The following VPS54 variants were observed in gnomAD, a reference collection of about 807,000 sequenced individuals.
VPS54 encodes vacuolar protein sorting-associated protein 54.
VPS54 carries 45 observed loss-of-function variants against 121.5 expected under a neutral mutation model. The observed-to-expected ratio is 0.37, with a 90% CI of 0.29 to 0.47. The LOEUF (loss-of-function observed/expected upper bound fraction) is 0.47. Among genes scored for constraint, VPS54 ranks in the 20% least tolerant of loss-of-function variants. The pLI is 0.99. For missense variants in VPS54, 1,090 were observed against 1,131.4 expected, an observed-to-expected ratio of 0.96 and a Z score of 0.52; for synonymous variants, 371 against 385.8, an observed-to-expected ratio of 0.96 and a Z score of 0.45.
Position 63,916,897 on chromosome 2 carries a change from C to T in VPS54, c.2228+3G>A. The T allele has an allele frequency of 6.2e-7, 1 of 1,613,378 alleles. No homozygotes were observed. Among genetic ancestry groups the T allele is most frequent in the Admixed American group, 1.7e-5 (1 of 60,008 alleles). On this transcript the variant is annotated splice_donor_region_variant and intron_variant, in intron 16 of 22. Transcript: ENST00000272322. ...AACTACTAAAGAAAAATGTGTCACT[C>T]ACCCAACAACTGCATACTGTTGTCC...
At chr2:63,932,967 T>C (rs192358887) in intron 12 of VPS54, among the ~76,000 whole-genome samples, 1 of 152,194 alleles carries the variant, frequency 6.6e-6, no homozygotes, top group East Asian at 1.9e-4. Flanking sequence ...CCAGGGATAA[T>C]AGTGCATCAT....
intron 1 of VPS54, among the ~76,000 whole-genome samples, chr2:63,991,440 A>G (rs908322654): frequency 6.6e-6 from 1 of 152,220 alleles, no homozygotes; most frequent in Non-Finnish European, 1.5e-5. Flanking sequence ...ATTGGATCAG[A>G]CACCCACAAA....
intron 1 of VPS54, among the ~76,000 whole-genome samples, chr2:64,003,272 TACCATCTAGAAACAA>T: frequency 6.6e-6 from 1 of 152,328 alleles, no homozygotes; most frequent in East Asian, 1.9e-4. Flanking sequence ...TCAAGTTAAC[TACCATCTAGAAACAA>T]ATTTGGCATT....
intron 1 of VPS54, among the ~76,000 whole-genome samples, chr2:63,995,399 G>A (rs866141271): frequency 3.3e-5 from 5 of 152,208 alleles, no homozygotes; most frequent in Admixed American, 2.0e-4. Context: ...CGGTAACTTT[G>A]CCCAGACCTT....
At position 63,914,282 on chromosome 2, in the gene VPS54, A is replaced by G. The variant is rs1316681381; in HGVS notation, c.2234T>C (p.Val745Ala). Reference protein sequence around the residue: ...EGQQYAVVGTVLLLIRIILEY... With the variant: ...EGQQYAVVGTALLLIRIILEY... ...AAGGATAATTCTTATTAACAGCAAT[A>G]CGGTTCTACAAGAAAAGAAAAATGG... The change falls in exon 17 of 23, where the codon GTA becomes GCA. Residue 745 changes from valine to alanine, a missense_variant. Around this residue, in one of 2 missense-constraint regions of VPS54, gnomAD observed 289 missense variants for 374.4 expected, o/e 0.77. Transcript: ENST00000272322. 1.2e-6 allele frequency: 2 copies of G among 1,605,030 alleles called. No individual in the cohort carries two copies. The highest frequency in any genetic ancestry group is 1.1e-5 in the South Asian group (1 of 89,514).
chr2:63,979,054 G>C (rs1342572973), intron 3 of VPS54, among the ~76,000 whole-genome samples: 1 of 152,132 alleles, frequency 6.6e-6, no homozygotes, highest in African/African-American at 2.4e-5. Flanking sequence ...AATCTCTGTA[G>C]AATCTGTAGT....
At position 63,995,730 on chromosome 2, in the gene VPS54, A is replaced by T. The variant is rs555042719; in HGVS notation, c.-20-11711T>A. On this transcript the variant is annotated intron_variant, in intron 1 of 22. Coordinates refer to ENST00000272322, the MANE Select transcript of VPS54 (RefSeq NM_016516.3). ...AGTCTCGAACATCACATGCAAATGC[A>T]GTGCGACTGGAATACTTCAGATTTC... 3.9e-5 allele frequency among the ~76,000 whole-genome samples: 6 copies of T among 152,386 alleles called. No homozygotes were observed. In the East Asian group the frequency reaches 1.2e-3, roughly 29 times the overall value.
At chr2:63,945,983 T>A (rs192661851) in intron 9 of VPS54, among the ~76,000 whole-genome samples, 1 of 152,266 alleles carries the variant, frequency 6.6e-6, no homozygotes, top group East Asian at 1.9e-4. Context: ...ATCTGTGTAA[T>A]CAGAACTCAG....
At chr2:63,916,401 TAACTACCAAC>T (rs1257350092) in intron 16 of VPS54, among the ~76,000 whole-genome samples, 6 of 152,190 alleles carry the variant, frequency 3.9e-5, no homozygotes, top group African/African-American at 1.4e-4. Context: ...CCAATGAGAA[TAACTACCAAC>T]AACTATCAAC....
At chr2:63,909,577 G>A (rs1337114255) in intron 20 of VPS54, among the ~76,000 whole-genome samples, 1 of 151,184 alleles carries the variant, frequency 6.6e-6, no homozygotes, top group Non-Finnish European at 1.5e-5. Flanking sequence ...CCACTACCAT[G>A]CCCGGCTAAT....
chr2:64,005,318 T>C (rs932774630), intron 1 of VPS54, among the ~76,000 whole-genome samples: 2 of 151,158 alleles, frequency 1.3e-5, no homozygotes, highest in Non-Finnish European at 2.9e-5. Context: ...TTAGCCAAGA[T>C]GGTCTCGATC....
At chr2:63,896,118 A>G (rs919862471) in intron 22 of VPS54, among the ~76,000 whole-genome samples, 5 of 152,154 alleles carry the variant, frequency 3.3e-5, no homozygotes, top group Non-Finnish European at 5.9e-5. Flanking sequence ...CATTTGTATC[A>G]TCTGACATCA....
chr2:64,008,814 G>A (rs992576022), intron 1 of VPS54, among the ~76,000 whole-genome samples: 3 of 152,158 alleles, frequency 2.0e-5, no homozygotes, highest in African/African-American at 7.2e-5. Context: ...AAGAAGAATT[G>A]CATCATCACT....
chr2:63,914,568 T>C (rs917266743), intron 16 of VPS54, among the ~76,000 whole-genome samples: 16 of 152,168 alleles, frequency 1.1e-4, no homozygotes, highest in African/African-American at 3.9e-4. Flanking sequence ...CCTTAAATTC[T>C]GTACAACAGG....
chr2:63,900,112 C>G (rs1257340157), intron 20 of VPS54, among the ~76,000 whole-genome samples: 1 of 150,180 alleles, frequency 6.7e-6, no homozygotes, highest in African/African-American at 2.5e-5. Context: ...CCCAGCTACT[C>G]AGGAGGCTGA....
At chr2:63,988,829 C>T (rs866983358) in intron 1 of VPS54, among the ~76,000 whole-genome samples, 5 of 152,156 alleles carry the variant, frequency 3.3e-5, no homozygotes, top group African/African-American at 9.6e-5. Flanking sequence ...AGGATAACAG[C>T]GATGTTCAGG....
At chr2:63,981,952 C>A in intron 2 of VPS54, 65 bp from the exon 3 acceptor site, 12 of 1,490,750 alleles carry the variant, frequency 8.0e-6, no homozygotes, top group Non-Finnish European at 8.9e-6. Context: ...TGAAAGTACA[C>A]ACTAGAAAAC....
At chr2:64,005,086 CTTCTTTTT>C (rs1678061937) in intron 1 of VPS54, among the ~76,000 whole-genome samples, 1 of 76,604 alleles carries the variant, frequency 1.3e-5, no homozygotes, top group African/African-American at 5.8e-5. Context: ...TCTACTATTG[CTTCTTTTT>C]TTTTTTTTTT....
chr2:63,908,304 T>G (rs755922251), intron 20 of VPS54, among the ~76,000 whole-genome samples: 1 of 152,016 alleles, frequency 6.6e-6, no homozygotes, highest in Admixed American at 6.6e-5. Flanking sequence ...TTAAATGAAG[T>G]GTGGCACAGT....
Sources: allele counts gnomAD v4.1 joint callset (sites outside exome capture counted in the v4.1 genomes callset), GRCh38; gene constraint gnomAD v4.1.1; regional missense constraint gnomAD v4.1.1; transcripts MANE v1.5; gene names NCBI Gene and HGNC (gene_info 2026-07-23, HGNC 2026-07-21).